Variants in RBFOX3 observed in about 807,000 individuals in gnomAD.
The protein encoded by RBFOX3 is RNA binding fox-1 homolog 3.
RBFOX3 carries 17 observed loss-of-function variants against 48.7 expected under a neutral mutation model. That is an observed-to-expected ratio of 0.35 (90% CI 0.24 to 0.52). RBFOX3 has a LOEUF of 0.52. Among genes scored for constraint, RBFOX3 ranks in the 20% least tolerant of loss-of-function variants. The pLI, the probability that RBFOX3 is intolerant of heterozygous loss-of-function variation, is 0.94. For synonymous variants in RBFOX3, 212 were observed against 209.5 expected, an observed-to-expected ratio of 1.01 and a Z score of -0.10; for missense variants, 382 against 497.5, an observed-to-expected ratio of 0.77 and a Z score of 2.21.
intron 2 of RBFOX3, among the ~76,000 whole-genome samples, chr17:79,371,358 TC>T (rs1299082718): frequency 6.6e-6 from 1 of 152,208 alleles, no homozygotes; most frequent in African/African-American, 2.4e-5. Flanking sequence ...GTGGCCAGAT[TC>T]CAGAGGAGCC....
At chr17:79,663,243 G>A in the RBFOX3 span, among the ~76,000 whole-genome samples, 8 of 152,150 alleles carry the variant, frequency 5.3e-5, no homozygotes, top group African/African-American at 1.9e-4. Context: ...CTATGATTTG[G>A]GTCCATTATA....
chr17:79,663,075 A>G, the RBFOX3 span, among the ~76,000 whole-genome samples: 1 of 152,234 alleles, frequency 6.6e-6, no homozygotes, highest in Non-Finnish European at 1.5e-5. Flanking sequence ...ATTAATGGCT[A>G]GGTTTTAATT....
rs377547729 is a variant in RBFOX3 at position 79,268,763 on chromosome 17, C to A, written c.-73-32958G>T. ...CTCCCCATCTGTCCCTCTCCAGTAG[C>A]CCCCGGACCTCATCCCAACCTGTGC... On this transcript the variant is annotated intron_variant, in intron 3 of 14. Transcript: ENST00000693108. Among the ~76,000 whole-genome samples the A allele has an allele frequency of 5.3e-4, 81 of 152,232 alleles. 1 individual carries two copies. The highest frequency in any genetic ancestry group is 1.8e-3 in the African/African-American group (75 of 41,536).
chr17:79,556,181 A>G lies in RBFOX3; in HGVS notation c.-320+54645T>C, dbSNP rs979075080. Among the ~76,000 whole-genome samples, 1,053 of 152,328 alleles carry G rather than the reference A, an allele frequency of 6.9e-3. 14 individuals are homozygous for G. Among genetic ancestry groups the G allele is most frequent in the African/African-American group, 0.023 (965 of 41,568 alleles). ...CTCACACCTGCTACCAGCCAGGCCT[A>G]GAGAAGACCAAGTTTTCCAAACCAA... On this transcript the variant is annotated intron_variant, in intron 1 of 14. Coordinates refer to ENST00000693108, the MANE Select transcript of RBFOX3 (RefSeq NM_001350451.2).
At chr17:79,179,686 G>C (rs1249570998) in intron 4 of RBFOX3, among the ~76,000 whole-genome samples, 1 of 152,178 alleles carries the variant, frequency 6.6e-6, no homozygotes, top group African/African-American at 2.4e-5. Flanking sequence ...CCCATTTTTC[G>C]AGCTTGGGGT....
intron 2 of RBFOX3, among the ~76,000 whole-genome samples, chr17:79,378,559 G>A (rs117363399): frequency 0.025 from 3,832 of 152,272 alleles, 64 homozygotes; most frequent in Non-Finnish European, 0.037. Context: ...GGAAGCCAAG[G>A]ACAGGGTTCG....
chr17:79,459,944 A>G (rs2075152833), intron 2 of RBFOX3, among the ~76,000 whole-genome samples: 1 of 152,218 alleles, frequency 6.6e-6, no homozygotes, highest in Non-Finnish European at 1.5e-5. Context: ...TGGTAGGTCC[A>G]AGCAGCGGAA....
At chr17:79,117,313 T>C (rs1233625019) in intron 4 of RBFOX3, among the ~76,000 whole-genome samples, 2 of 152,018 alleles carry the variant, frequency 1.3e-5, no homozygotes. Flanking sequence ...CAGGCAGGAG[T>C]CCGCGTCCTT....
Position 79,481,304 on chromosome 17 carries a change from C to T in RBFOX3, c.-175+1150G>A, listed in dbSNP as rs1360315003. ...GCTCCAGTCCTCCCTGCCTGGGGGT[C>T]GCTGACCCACAGCTTTGCATTGTCT... On this transcript the variant is annotated intron_variant, in intron 2 of 14. Transcript: ENST00000693108. This position sits in a 1 kb window ranked among gnomAD's most constrained non-coding sequence, Gnocchi z 5.4. Among the ~76,000 whole-genome samples the T allele has an allele frequency of 2.0e-5, 3 of 152,094 alleles. No individual in the cohort carries two copies. The highest frequency in any genetic ancestry group is 4.8e-5 in the African/African-American group (2 of 41,410).
rs954983925 is a variant in RBFOX3, at chr17:79,479,765, G to A, written c.-175+2689C>T. The stretch of plus-strand genomic sequence containing the variant: ...CCACAGAAAGGTGAGGCTGGGCCCC[G>A]CAACCTCCTTCTTGGAGGCAGCAGG... On this transcript the variant is annotated intron_variant, in intron 2 of 14. Coordinates refer to ENST00000693108, the MANE Select transcript of RBFOX3 (RefSeq NM_001350451.2). The surrounding 1 kb of genome is among the most constrained non-coding windows in gnomAD (Gnocchi z 5.1). Among the ~76,000 whole-genome samples the A allele has an allele frequency of 8.5e-5, 13 of 152,186 alleles. No individual in the cohort carries two copies. Among genetic ancestry groups the A allele is most frequent in the Non-Finnish European group, 1.6e-4 (11 of 68,038 alleles).
chr17:79,606,339 C>G (rs1302781378), intron 1 of RBFOX3, among the ~76,000 whole-genome samples: 3 of 152,210 alleles, frequency 2.0e-5, no homozygotes, highest in East Asian at 1.9e-4. Context: ...TCCTATCACA[C>G]AGTGGAGCAC....
In RBFOX3 at chr17:79,421,763, T is replaced by C. The variant is rs562554736; in HGVS notation, c.-175+60691A>G. 6.6e-6 allele frequency among the ~76,000 whole-genome samples: 1 copy of C among 152,180 alleles called. No individual in the cohort carries two copies. The highest frequency in any genetic ancestry group is 6.5e-5 in the Admixed American group (1 of 15,296). On this transcript the variant is annotated intron_variant, in intron 2 of 14. Transcript: ENST00000693108. This position sits in a 1 kb window ranked among gnomAD's most constrained non-coding sequence, Gnocchi z 4.5. ...GGGCAGCAGCCATGCTCTCTCCTCC[T>C]GTGGTGGGGAGGTCTCCTTGAGGCC...
At chr17:79,385,054 C>T (rs1176997900) in intron 2 of RBFOX3, among the ~76,000 whole-genome samples, 1 of 152,220 alleles carries the variant, frequency 6.6e-6, no homozygotes, top group African/African-American at 2.4e-5. Flanking sequence ...CATTTCCCGG[C>T]CCCTGCCAGG....
chr17:79,568,748 A>G (rs910631744), intron 1 of RBFOX3, among the ~76,000 whole-genome samples: 1 of 152,112 alleles, frequency 6.6e-6, no homozygotes, highest in Non-Finnish European at 1.5e-5. Flanking sequence ...CTCCGCCCCC[A>G]TTTAAAAAAT....
intron 1 of RBFOX3, among the ~76,000 whole-genome samples, chr17:79,529,817 C>T (rs982352703): frequency 1.3e-5 from 2 of 152,214 alleles, no homozygotes; most frequent in Admixed American, 6.5e-5. Context: ...TGGCAAACTC[C>T]GGCCAGGGCC....
intron 2 of RBFOX3, among the ~76,000 whole-genome samples, chr17:79,410,382 A>G (rs73425350): frequency 0.042 from 6,383 of 152,224 alleles, 458 homozygotes; most frequent in African/African-American, 0.15. Flanking sequence ...TGGTGTACAC[A>G]CATCTCCAAG....
intron 3 of RBFOX3, among the ~76,000 whole-genome samples, chr17:79,276,984 G>A (rs73408742): frequency 2.0e-5 from 3 of 152,322 alleles, no homozygotes; most frequent in South Asian, 2.1e-4. Context: ...CACCCCATCT[G>A]CTATGGCTCC....
intron 3 of RBFOX3, among the ~76,000 whole-genome samples, chr17:79,248,935 A>G (rs7207311): frequency 6.6e-6 from 1 of 152,138 alleles, no homozygotes; most frequent in Non-Finnish European, 1.5e-5. Flanking sequence ...GCCCACATCC[A>G]CTGCCTCTTC....
In RBFOX3 at chr17:79,361,058, C is replaced by T. The variant is rs918600381; in HGVS notation, c.-174-53234G>A. On this transcript the variant is annotated intron_variant, in intron 2 of 14. Transcript: ENST00000693108. The surrounding 1 kb of genome is among the most constrained non-coding windows in gnomAD (Gnocchi z 4.5). ...TGGAAACAGAAGTTCACGTCTCAGG[C>T]AAAGGAAGGGAAAGGAATAAATGGC... 6.6e-6 allele frequency among the ~76,000 whole-genome samples: 1 copy of T among 152,030 alleles called. No homozygotes were observed. Among genetic ancestry groups the T allele is most frequent in the Non-Finnish European group, 1.5e-5 (1 of 68,002 alleles).
Sources: gnomAD v4.1 joint callset for allele counts (sites outside exome capture counted in the v4.1 genomes callset) on GRCh38, gnomAD v4.1.1 for gene constraint, Gnocchi (gnomAD v3.1) non-coding constraint, MANE v1.5 for transcripts, NCBI Gene and HGNC (gene_info 2026-07-23, HGNC 2026-07-21) for gene names.